The following TENM2 variants were observed in gnomAD, a reference collection of about 807,000 sequenced individuals.
TENM2 encodes the protein teneurin transmembrane protein 2, also known as teneurin-2.
In TENM2, 52 loss-of-function variants were observed where a neutral mutation model predicts 245.2. The ratio of observed to expected loss-of-function variants is 0.21; its 90% CI spans 0.17 to 0.27. TENM2 has a LOEUF of 0.27. Ranked by LOEUF, TENM2 falls within the 10% of genes least tolerant of loss-of-function variation. The probability of loss-of-function intolerance (pLI) is 1.00; values close to 1 mark genes in which losing one functional copy is unlikely to be tolerated. For synonymous variants in TENM2, 1,363 were observed against 1,438.9 expected (o/e 0.95, Z 1.19); for missense variants, 3,046 against 3,666.8 (o/e 0.83, Z 4.37).
At chr5:167,524,067 AG>A (rs748939065) in intron 2 of TENM2, among the ~76,000 whole-genome samples, 3 of 152,216 alleles carry the variant, frequency 2.0e-5, no homozygotes, top group Non-Finnish European at 2.9e-5. Flanking sequence ...AGGTAAAGAA[AG>A]CAAGGCCATT....
chr5:168,249,356 G>A (rs1766886186), intron 27 of TENM2, among the ~76,000 whole-genome samples: 1 of 152,064 alleles, frequency 6.6e-6, no homozygotes, highest in African/African-American at 2.4e-5. Context: ...TACCATATAG[G>A]TGTCTGTTCA....
intron 1 of TENM2, among the ~76,000 whole-genome samples, chr5:167,312,371 A>C (rs562198797): frequency 6.6e-6 from 1 of 152,326 alleles, no homozygotes; most frequent in South Asian, 2.1e-4. Context: ...GGTCTGGTCT[A>C]CTGTTAGTCT....
At chr5:167,869,837 TAA>T (rs771209092) in intron 2 of TENM2, among the ~76,000 whole-genome samples, 7 of 148,344 alleles carry the variant, frequency 4.7e-5, no homozygotes, top group African/African-American at 1.5e-4. Flanking sequence ...AGAACCACGT[TAA>T]AAAAAAAAAT....
At chr5:167,157,493 A>T in the TENM2 span, among the ~76,000 whole-genome samples, 1 of 152,228 alleles carries the variant, frequency 6.6e-6, no homozygotes. Flanking sequence ...ATGAGATGAT[A>T]AAAGAACCTG....
chr5:167,558,368 TG>T (rs1334006737), intron 2 of TENM2, among the ~76,000 whole-genome samples: 9 of 152,204 alleles, frequency 5.9e-5, no homozygotes. Flanking sequence ...TCACAGATAT[TG>T]TTACTTAAGA....
chr5:168,121,385 C>T (rs114213507), intron 10 of TENM2, among the ~76,000 whole-genome samples: 1,844 of 152,286 alleles, frequency 0.012, 39 homozygotes, highest in African/African-American at 0.04. Flanking sequence ...CTTAGGAAAT[C>T]GGAACCAAAT....
intron 2 of TENM2, among the ~76,000 whole-genome samples, chr5:167,589,661 AGTTTGTTT>A (rs72192255): frequency 0.025 from 3,867 of 152,084 alleles, 124 homozygotes; most frequent in African/African-American, 0.074. Context: ...ATCCCATCCA[AGTTTGTTT>A]GTTTGTTTGT....
chr5:167,062,956 A>G, the TENM2 span, among the ~76,000 whole-genome samples: 1 of 152,178 alleles, frequency 6.6e-6, no homozygotes, highest in Non-Finnish European at 1.5e-5. Context: ...CTTAATGCCA[A>G]AATTCAACCT....
intron 4 of TENM2, among the ~76,000 whole-genome samples, chr5:167,972,460 T>G (rs1267517853): frequency 6.6e-6 from 1 of 152,212 alleles, no homozygotes; most frequent in African/African-American, 2.4e-5. Flanking sequence ...ACCAGTCTCT[T>G]CTTGATGGAC....
intron 2 of TENM2, among the ~76,000 whole-genome samples, chr5:167,847,660 C>A (rs1274139169): frequency 6.6e-6 from 1 of 152,246 alleles, no homozygotes; most frequent in Non-Finnish European, 1.5e-5. Flanking sequence ...TACTTCTGAA[C>A]ACCTTCAATA....
At chr5:167,937,995 G>C (rs891598774) in intron 3 of TENM2, 1 of 152,230 alleles carries the variant, frequency 6.6e-6, no homozygotes, top group Non-Finnish European at 1.5e-5. Flanking sequence ...TCAGAACCCA[G>C]GGCAGGAATT....
the TENM2 span, among the ~76,000 whole-genome samples, chr5:167,146,182 AC>A: frequency 6.6e-6 from 1 of 152,184 alleles, no homozygotes; most frequent in Non-Finnish European, 1.5e-5. Context: ...TATGGAGCTG[AC>A]AATATGGGCT....
At chr5:167,778,425 G>C (rs1048024343) in intron 2 of TENM2, among the ~76,000 whole-genome samples, 1 of 152,180 alleles carries the variant, frequency 6.6e-6, no homozygotes, top group Non-Finnish European at 1.5e-5. Flanking sequence ...GACAAATACA[G>C]AGCATGGCTT....
At chr5:168,156,714 C>A (rs1040757436) in intron 12 of TENM2, among the ~76,000 whole-genome samples, 1 of 150,336 alleles carries the variant, frequency 6.7e-6, no homozygotes, top group African/African-American at 2.4e-5. Flanking sequence ...TGTGGACAGA[C>A]TTTTTTTTTT....
intron 4 of TENM2, among the ~76,000 whole-genome samples, chr5:167,969,344 A>T (rs1443405965): frequency 1.3e-5 from 2 of 151,444 alleles, no homozygotes; most frequent in African/African-American, 4.9e-5. Flanking sequence ...CTACACAAGC[A>T]CTCTCTTTGC....
At chr5:168,149,030 A>T (rs1263024276) in intron 12 of TENM2, among the ~76,000 whole-genome samples, 1 of 152,168 alleles carries the variant, frequency 6.6e-6, no homozygotes, top group Non-Finnish European at 1.5e-5. Context: ...CAGGAGTAAT[A>T]ACCTGGGAGC....
intron 2 of TENM2, among the ~76,000 whole-genome samples, chr5:167,380,639 G>T (rs546085811): frequency 6.6e-6 from 1 of 152,190 alleles, no homozygotes; most frequent in East Asian, 1.9e-4. Context: ...ATAAAATGAA[G>T]AACTAAGCCT....
At chr5:167,548,498 T>A (rs138809421) in intron 2 of TENM2, among the ~76,000 whole-genome samples, 1 of 152,176 alleles carries the variant, frequency 6.6e-6, no homozygotes, top group East Asian at 1.9e-4. Context: ...TAAAGCACAA[T>A]GAAATCACCT....
the TENM2 span, among the ~76,000 whole-genome samples, chr5:167,127,751 C>T: frequency 6.6e-6 from 1 of 151,702 alleles, no homozygotes; most frequent in Non-Finnish European, 1.5e-5. Flanking sequence ...ATGCTGTGAA[C>T]ACATTAAAAT....
Sources: allele counts gnomAD v4.1 joint callset (sites outside exome capture counted in the v4.1 genomes callset), GRCh38; gene constraint gnomAD v4.1.1; transcripts MANE v1.5; gene names NCBI Gene and HGNC (gene_info 2026-07-23, HGNC 2026-07-21).